Variants in NTM observed in about 807,000 individuals in gnomAD.
NTM encodes neurotrimin.
NTM carries 13 observed loss-of-function variants against 42.1 expected under a neutral mutation model. The ratio of observed to expected loss-of-function variants is 0.31; its 90% confidence interval spans 0.20 to 0.49. The LOEUF is 0.49. Among genes scored for constraint, NTM ranks in the 20% least tolerant of loss-of-function variants. NTM has a pLI of 0.99. For missense variants in NTM, 373 were observed against 452.8 expected (o/e 0.82, Z 1.60); for synonymous variants, 187 against 179.2 (o/e 1.04, Z -0.35).
At chr11:131,695,999 G>T (rs2075395978) in intron 1 of NTM, among the ~76,000 whole-genome samples, 1 of 152,178 alleles carries the variant, frequency 6.6e-6, no homozygotes, top group Non-Finnish European at 1.5e-5. Context: ...TGGACGTGTG[G>T]TGCAGAAAGG....
intron 1 of NTM, among the ~76,000 whole-genome samples, chr11:131,766,575 GC>G (rs149284686): frequency 0.28 from 42,791 of 151,348 alleles, 6,546 homozygotes; most frequent in Admixed American, 0.4. Context: ...CACACAGCAG[GC>G]CCCCCCCTTC....
At chr11:131,411,534 G>T (rs1946407705) in intron 1 of NTM, among the ~76,000 whole-genome samples, 1 of 142,144 alleles carries the variant, frequency 7.0e-6, no homozygotes, top group Admixed American at 7.3e-5. Context: ...AGTATTTAGG[G>T]GGGGCCGTGT....
In NTM at chr11:132,208,513, G is replaced by C. The variant is rs567214916; in HGVS notation, c.401-3509G>C. Among the ~76,000 whole-genome samples the C allele has an allele frequency of 6.6e-5, 10 of 152,120 alleles. No individual in the cohort carries two copies. In the South Asian group the frequency reaches 8.3e-4, roughly 13 times the overall value. On this transcript the variant is annotated intron_variant, in intron 3 of 8. Transcript: ENST00000683400. ...AGTTGGATATTTTCCAATTATTAGT[G>C]GGGGGAGACAATTCTAGATGATTCT...
chr11:132,146,683 G>C lies in NTM; in HGVS notation c.400+169G>C, dbSNP rs1184425924. ...TTGCAGTTAGAAGCTAAATTTTCCA[G>C]TCATTTTCATTGAGTGGAACTAGGA... On this transcript the variant is annotated intron_variant, in intron 3 of 8. Coordinates refer to ENST00000683400, the MANE Select transcript of NTM (RefSeq NM_001352005.2). The surrounding 1 kb of genome is among the most constrained non-coding windows in gnomAD (Gnocchi z 4.5). 8.4e-6 allele frequency: 5 copies of C among 597,752 alleles called. No homozygotes were observed. The highest frequency in any genetic ancestry group is 3.0e-5 in the South Asian group (1 of 32,882). 37.0% of individuals were successfully genotyped at this position (597,752 alleles called of 1,614,324 possible). A position where few individuals can be genotyped will look rare whatever the true frequency, so the allele number is the denominator to read the frequency against.
chr11:132,282,850 T>C (rs1222176459), intron 4 of NTM, among the ~76,000 whole-genome samples: 1 of 152,140 alleles, frequency 6.6e-6, no homozygotes, highest in Non-Finnish European at 1.5e-5. Context: ...AAGTGATATG[T>C]GTGTTTATAT....
chr11:131,790,786 T>TAGTA (rs1407555846), intron 1 of NTM, among the ~76,000 whole-genome samples: 2 of 152,322 alleles, frequency 1.3e-5, no homozygotes, highest in African/African-American at 4.8e-5. Flanking sequence ...CAGCAGTTAC[T>TAGTA]AGCATCAGAA....
intron 2 of NTM, among the ~76,000 whole-genome samples, chr11:132,006,971 G>A (rs1450969154): frequency 6.6e-6 from 1 of 152,182 alleles, no homozygotes; most frequent in African/African-American, 2.4e-5. Context: ...CTGTGGGTGG[G>A]CTAAACATTT....
chr11:131,575,151 C>G (rs553852946), intron 1 of NTM, among the ~76,000 whole-genome samples: 15 of 151,940 alleles, frequency 9.9e-5, no homozygotes, highest in Admixed American at 2.6e-4. Context: ...TGCTGGATAC[C>G]TACCCTCCTC....
chr11:131,408,253 G>T, intron 1 of NTM, among the ~76,000 whole-genome samples: 1 of 152,166 alleles, frequency 6.6e-6, no homozygotes. Flanking sequence ...TCTTGCTCAC[G>T]TTTGCAAAAT....
intron 1 of NTM, among the ~76,000 whole-genome samples, chr11:131,694,541 C>G (rs189506153): frequency 6.6e-6 from 1 of 152,302 alleles, no homozygotes; most frequent in East Asian, 1.9e-4. Flanking sequence ...TGACATCCCT[C>G]TGGGTTCTGA....
intron 2 of NTM, among the ~76,000 whole-genome samples, chr11:131,996,757 G>A (rs535832358): frequency 2.4e-4 from 36 of 152,248 alleles, no homozygotes; most frequent in African/African-American, 8.2e-4. Flanking sequence ...ATCATTGCCA[G>A]TTCGGTGTCA....
chr11:131,678,196 G>A (rs2071770867), intron 1 of NTM, among the ~76,000 whole-genome samples: 1 of 152,220 alleles, frequency 6.6e-6, no homozygotes, highest in Non-Finnish European at 1.5e-5. Flanking sequence ...GAGAACACAG[G>A]TGCCTGACCA....
intron 1 of NTM, among the ~76,000 whole-genome samples, chr11:131,698,035 C>A (rs1374499516): frequency 6.6e-6 from 1 of 152,194 alleles, no homozygotes; most frequent in East Asian, 1.9e-4. Flanking sequence ...CACAGACCTG[C>A]AATTACACAT....
At chr11:131,673,886 C>T (rs2134682471) in intron 1 of NTM, among the ~76,000 whole-genome samples, 1 of 152,292 alleles carries the variant, frequency 6.6e-6, no homozygotes, top group South Asian at 2.1e-4. Context: ...TTGCCCACAC[C>T]TCCACTCCCC....
intron 2 of NTM, among the ~76,000 whole-genome samples, chr11:132,140,441 T>G (rs1258968556): frequency 2.0e-5 from 3 of 152,218 alleles, no homozygotes; most frequent in Non-Finnish European, 4.4e-5. Flanking sequence ...TCCGTTTTCT[T>G]ATGTCATGCA....
intron 1 of NTM, among the ~76,000 whole-genome samples, chr11:131,808,267 C>A (rs1029631173): frequency 5.3e-5 from 8 of 152,222 alleles, no homozygotes; most frequent in Non-Finnish European, 1.0e-4. Flanking sequence ...AAAGTTTGCA[C>A]AGGGTCCTAA....
intron 1 of NTM, among the ~76,000 whole-genome samples, chr11:131,792,631 T>C (rs1286175102): frequency 6.6e-6 from 1 of 152,144 alleles, no homozygotes; most frequent in African/African-American, 2.4e-5. Flanking sequence ...CCCAACCTCA[T>C]TGCTTCCTCC....
At chr11:131,773,860 T>G (rs2086540565) in intron 1 of NTM, 1 of 253,638 alleles carries the variant, frequency 3.9e-6, no homozygotes, top group African/African-American at 2.3e-5. Context: ...GCGCATGATC[T>G]TCCATCGTTT....
chr11:132,066,234 A>G (rs1041688788), intron 2 of NTM, among the ~76,000 whole-genome samples: 1 of 152,008 alleles, frequency 6.6e-6, no homozygotes, highest in African/African-American at 2.4e-5. Flanking sequence ...CTGTGCCTCT[A>G]CTTCTTCCAA....
Sources: gnomAD v4.1 joint callset for allele counts (sites outside exome capture counted in the v4.1 genomes callset) on GRCh38, gnomAD v4.1.1 for gene constraint, Gnocchi (gnomAD v3.1) non-coding constraint, MANE v1.5 for transcripts, NCBI Gene and HGNC (gene_info 2026-07-23, HGNC 2026-07-21) for gene names.